ATAD3C: variants seen among roughly 807,000 people sequenced by gnomAD.
ATAD3C encodes ATPase family AAA domain-containing protein 3C.
In ATAD3C, 38 loss-of-function variants were observed where a neutral mutation model predicts 46.3. That is an observed-to-expected ratio of 0.82 (90% CI 0.63 to 1.08). The LOEUF (loss-of-function observed/expected upper bound fraction) is 1.08, where lower values mean the gene tolerates loss of function less well. Ranked by LOEUF, ATAD3C falls within the 50% of genes least tolerant of loss-of-function variation. ATAD3C has a pLI of 0.00. For missense variants in ATAD3C, 563 were observed against 572.7 expected, an observed-to-expected ratio of 0.98 and a Z score of 0.17; for synonymous variants, 220 against 236.4, an observed-to-expected ratio of 0.93 and a Z score of 0.63.
Position 1,462,782 on chromosome 1 carries a change from G to T in ATAD3C, c.1089+74G>T, listed in dbSNP as rs375993584. The T allele has an allele frequency of 4.3e-5, 63 of 1,477,912 alleles. 1 individual carries two copies. In the African/African-American group the frequency reaches 7.9e-4, roughly 19 times the overall value. The allele number at this position is 1,477,912 out of a possible 1,614,324, so 91.5% of individuals were successfully genotyped here. ...GCAGATGCTTGGTTGCGCCAGGCCTGTCCCAGCACCGGTGTCACGTGGGAG... is the reference window on the plus strand; with the variant it reads ...GCAGATGCTTGGTTGCGCCAGGCCTTTCCCAGCACCGGTGTCACGTGGGAG... On this transcript the variant is annotated intron_variant, in intron 11 of 11. Transcript: ENST00000378785. This position sits in a 1 kb window ranked among gnomAD's most constrained non-coding sequence, Gnocchi z 4.5.
At position 1,459,209 on chromosome 1, in the gene ATAD3C, C is replaced by T. The variant is rs760116888; in HGVS notation, c.790C>T (p.Arg264Cys). The change falls in exon 9 of 12, where the codon CGC becomes TGC. Residue 264 changes from arginine (R) to cysteine (C), a missense_variant. Transcript: ENST00000378785. The surrounding 1 kb of genome is among the most constrained non-coding windows in gnomAD (Gnocchi z 4.9). Reference protein sequence around the residue: ...LRATLNAFLYRTGQHSNKFML... With the variant: ...LRATLNAFLYCTGQHSNKFML... The stretch of plus-strand genomic sequence containing the variant: ...GGCCACACTGAACGCCTTCCTGTAC[C>T]GCACGGGCCAGCACAGCAACAAGTG... The T allele has an allele frequency of 3.2e-5, 52 of 1,612,440 alleles. No homozygotes were observed. Among genetic ancestry groups the T allele is most frequent in the South Asian group, 4.4e-5 (4 of 90,972 alleles).
intron 1 of ATAD3C, among the ~76,000 whole-genome samples, chr1:1,451,192 C>A (rs1047496528): frequency 1.3e-5 from 2 of 151,614 alleles, no homozygotes; most frequent in African/African-American, 4.8e-5. Flanking sequence ...AGGCACCTGC[C>A]ACCACGCCCA....
intron 11 of ATAD3C, among the ~76,000 whole-genome samples, chr1:1,464,474 G>GT (rs992684686): frequency 5.9e-5 from 9 of 151,870 alleles, no homozygotes; most frequent in African/African-American, 1.7e-4. Context: ...TCCTTCAAGA[G>GT]TTTTTTTCTT....
At position 1,459,098 on chromosome 1, in the gene ATAD3C, T is replaced by C; in HGVS notation, c.742-63T>C. ...TGCAGGAGGGAGGCCTGTGGGACTT[T>C]CTGCTGTGGCTGTTTACAAGGCTTT... On this transcript the variant is annotated intron_variant, in intron 8 of 11. Coordinates refer to ENST00000378785, the MANE Select transcript of ATAD3C (RefSeq NM_001039211.3). This position sits in a 1 kb window ranked among gnomAD's most constrained non-coding sequence, Gnocchi z 4.9. 1 of 1,560,666 alleles carries C rather than the reference T, an allele frequency of 6.4e-7. No individual in the cohort carries two copies. Among genetic ancestry groups the C allele is most frequent in the Non-Finnish European group, 8.7e-7 (1 of 1,154,100 alleles).
chr1:1,461,008 G>T, intron 10 of ATAD3C, 91 bp downstream of exon 10: 1 of 1,427,572 alleles, frequency 7.0e-7, no homozygotes, highest in Non-Finnish European at 9.3e-7. Context: ...AGCAGGCCCT[G>T]TCTCCAGGAT....
intron 5 of ATAD3C, 43 bp downstream of exon 5, chr1:1,455,562 C>A: frequency 6.2e-7 from 1 of 1,611,302 alleles, no homozygotes; most frequent in South Asian, 1.1e-5. Context: ...AGGGAGGGGA[C>A]CCCGGAGCTG....
chr1:1,460,699 G>A, intron 9 of ATAD3C, 51 bp from the exon 10 acceptor site: 1 of 1,540,278 alleles, frequency 6.5e-7, no homozygotes, highest in Non-Finnish European at 8.8e-7. Context: ...TTCCCCTGGG[G>A]ACAGCTCGGC....
At chr1:1,464,500 G>T (rs1639117055) in intron 11 of ATAD3C, among the ~76,000 whole-genome samples, 1 of 151,970 alleles carries the variant, frequency 6.6e-6, no homozygotes, top group Non-Finnish European at 1.5e-5. Context: ...GCCGGGCACG[G>T]TGGCTCACGC....
intron 9 of ATAD3C, among the ~76,000 whole-genome samples, chr1:1,460,438 C>T (rs373911971): frequency 3.3e-5 from 5 of 151,962 alleles, no homozygotes; most frequent in Non-Finnish European, 7.4e-5. Flanking sequence ...CCCAGCACAG[C>T]GGGGCTCAGG....
chr1:1,454,340 T>C lies in ATAD3C; in HGVS notation c.223-5T>C. On this transcript the variant is annotated splice_region_variant and splice_polypyrimidine_tract_variant and intron_variant, in intron 3 of 11. Coordinates refer to ENST00000378785, the MANE Select transcript of ATAD3C (RefSeq NM_001039211.3). ...CGGTGCGCCAGTGCGGTGTCTCTGC[T>C]GCAGGTGGCTGGGCTGACGCTGCTG... 6.3e-7 allele frequency: 1 copy of C among 1,596,600 alleles called. No homozygotes were observed. Among genetic ancestry groups the C allele is most frequent in the South Asian group, 1.1e-5 (1 of 88,628 alleles).
intron 10 of ATAD3C, among the ~76,000 whole-genome samples, chr1:1,461,819 C>T (rs2100487370): frequency 6.6e-6 from 1 of 152,234 alleles, no homozygotes; most frequent in East Asian, 1.9e-4. Flanking sequence ...GGCCTCCCTG[C>T]AGCTGCCACA....
chr1:1,464,211 A>G (rs1396648079), intron 11 of ATAD3C, among the ~76,000 whole-genome samples: 4 of 151,430 alleles, frequency 2.6e-5, no homozygotes, highest in Non-Finnish European at 5.9e-5. Context: ...TCTCAAAAAA[A>G]AAAAAAAAAA....
Position 1,462,370 on chromosome 1 carries a change from G to T in ATAD3C, c.981-230G>T. On this transcript the variant is annotated intron_variant, in intron 10 of 11. Coordinates refer to ENST00000378785, the MANE Select transcript of ATAD3C (RefSeq NM_001039211.3). The surrounding 1 kb of genome is among the most constrained non-coding windows in gnomAD (Gnocchi z 4.5). ...CTGTGGGTGCTGAGTGGACAGGGCT[G>T]GTGTTAGGAAGGGGTGCGGCCATCT... is the stretch of plus-strand genomic sequence containing the variant. 1 of 474,550 alleles carries T rather than the reference G, an allele frequency of 2.1e-6. No homozygotes were observed. The highest frequency in any genetic ancestry group is 2.0e-5 in the South Asian group (1 of 49,016). 29.4% of individuals were successfully genotyped at this position (474,550 alleles called of 1,614,324 possible).
At position 1,455,485 on chromosome 1, in the gene ATAD3C, G is replaced by A. The variant is rs747061326; in HGVS notation, c.404G>A (p.Arg135Gln). Residue 135 changes from arginine (R) to glutamine (Q), a missense_variant, in exon 5 of 12, where the codon CGA (arginine) becomes CAA (glutamine). Around this residue, in one of 3 missense-constraint regions of ATAD3C, gnomAD observed 263 missense variants for 243.1 expected, o/e 1.08. Transcript: ENST00000378785. ...IQQVSRRLLS[R>Q]PQDVLEGVVL... ...CAGGTCAGCCGGCGGCTCCTCAGTC[G>A]ACCCCAGGACGTGCTGGAGGGTGTT... 72 of 1,612,594 alleles carry A rather than the reference G, an allele frequency of 4.5e-5. No homozygotes were observed. In the African/African-American group the frequency reaches 7.5e-4, roughly 17 times the overall value.
At chr1:1,466,259 A>G (rs2100491888) in intron 11 of ATAD3C, among the ~76,000 whole-genome samples, 1 of 151,252 alleles carries the variant, frequency 6.6e-6, no homozygotes, top group Non-Finnish European at 1.5e-5. Flanking sequence ...AAAAAAAAAA[A>G]AAAAATGGCT....
chr1:1,457,148 G>T lies in ATAD3C; in HGVS notation c.709G>T (p.Glu237Ter). The change falls in exon 8 of 12, where the codon GAA becomes TAA. Residue 237 changes from glutamate (E) to a stop codon, truncating the protein, a stop_gained. Coordinates refer to ENST00000378785, the MANE Select transcript of ATAD3C (RefSeq NM_001039211.3). LOFTEE classifies it high-confidence loss of function. ...SRRGLLLFVDEADAFLRKRAT... is the reference protein window; with the variant it reads ...SRRGLLLFVD ...CCACAGCCTCCTGCTCTTTGTGGAT[G>T]AAGCGGACGCCTTCCTTCGGAAGCG... The T allele has an allele frequency of 6.2e-7, 1 of 1,613,570 alleles. No individual in the cohort carries two copies. Among genetic ancestry groups the T allele is most frequent in the African/African-American group, 1.3e-5 (1 of 75,038 alleles).
At chr1:1,457,765 G>A (rs193022946) in intron 8 of ATAD3C, among the ~76,000 whole-genome samples, 2 of 151,294 alleles carry the variant, frequency 1.3e-5, no homozygotes, top group African/African-American at 4.9e-5. Context: ...TGCAACCTCC[G>A]CCTCCCAGTG....
chr1:1,454,565 G>A (rs1638920744), intron 4 of ATAD3C, 65 bp downstream of exon 4: 1 of 1,556,920 alleles, frequency 6.4e-7, no homozygotes, highest in Non-Finnish European at 8.7e-7. Flanking sequence ...TGCCCCACGA[G>A]CACAGCCCAC....
In ATAD3C at chr1:1,455,212, G is replaced by A. The variant is rs1196835035; in HGVS notation, c.379-248G>A. 6.5e-4 allele frequency among the ~76,000 whole-genome samples: 52 copies of A among 79,498 alleles called. 1 individual carries two copies. Among genetic ancestry groups the A allele is most frequent in the African/African-American group, 3.7e-3 (50 of 13,462 alleles). 52.2% of individuals were successfully genotyped at this position (79,498 alleles called of 152,430 possible). On this transcript the variant is annotated intron_variant, in intron 4 of 11. Transcript: ENST00000378785. ...AGCCTGGGCGACAGAGTGAGACTCC[G>A]TCTCAAAAAAAAAAAAAAAAAAAAA...
Sources: allele counts gnomAD v4.1 joint callset (sites outside exome capture counted in the v4.1 genomes callset), GRCh38; gene constraint gnomAD v4.1.1; regional missense constraint gnomAD v4.1.1; non-coding constraint Gnocchi (gnomAD v3.1); transcripts MANE v1.5; gene names NCBI Gene and HGNC (gene_info 2026-07-23, HGNC 2026-07-21).